Variants in ACTR3C observed in about 807,000 individuals in gnomAD.
The protein encoded by ACTR3C is actin related protein 3C, also known as actin-related protein 3C.
Under a neutral mutation model 26.3 loss-of-function variants are expected in ACTR3C, and 18 were observed. That is an observed-to-expected ratio of 0.68 (90% CI 0.47 to 1.01). The LOEUF (loss-of-function observed/expected upper bound fraction) is 1.01. Ranked by LOEUF, ACTR3C falls within the 50% of genes least tolerant of loss-of-function variation. The pLI is 0.00. For synonymous variants in ACTR3C, 55 were observed against 94.5 expected, an observed-to-expected ratio of 0.58 and a Z score of 2.42; for missense variants, 184 against 250.7, an observed-to-expected ratio of 0.73 and a Z score of 1.80.
rs192317026 is a variant in ACTR3C, at chr7:150,311,738, G to A, written c.-52+11731C>T. Among the ~76,000 whole-genome samples the A allele has an allele frequency of 2.6e-5, 4 of 152,234 alleles. No individual in the cohort carries two copies. The East Asian group carries it at 7.7e-4, about 29-fold the overall frequency. On this transcript the variant is annotated intron_variant, in intron 1 of 7. Coordinates refer to ENST00000683684, the MANE Select transcript of ACTR3C (RefSeq NM_001164458.2). ...GTTCCTCTAAACCCAGCCAAATCTCGCCAGCTAAAGCTGGTGATGCTGTTG... is the reference window on the plus strand; with the variant it reads ...GTTCCTCTAAACCCAGCCAAATCTCACCAGCTAAAGCTGGTGATGCTGTTG...
At chr7:150,060,073 G>A in the ACTR3C span, among the ~76,000 whole-genome samples, 16 of 152,330 alleles carry the variant, frequency 1.1e-4, no homozygotes, top group African/African-American at 3.8e-4. Context: ...GAGGCAACAT[G>A]ATTTGATGAG....
chr7:150,007,164 C>T, the ACTR3C span, among the ~76,000 whole-genome samples: 9 of 149,736 alleles, frequency 6.0e-5, no homozygotes, highest in South Asian at 2.2e-4. Context: ...CACGACCCAA[C>T]GAATGGCTCC....
chr7:150,302,774 C>A (rs1265848575), intron 1 of ACTR3C: 2 of 151,876 alleles, frequency 1.3e-5, no homozygotes, highest in East Asian at 1.9e-4. Context: ...GGCTGTGGGG[C>A]AAGATCACAC....
the ACTR3C span, among the ~76,000 whole-genome samples, chr7:150,012,044 G>T: frequency 1.3e-5 from 2 of 152,150 alleles, no homozygotes; most frequent in African/African-American, 4.8e-5. Flanking sequence ...CTTGAGAGCA[G>T]CGATGGGGTA....
intron 6 of ACTR3C, among the ~76,000 whole-genome samples, chr7:150,283,023 T>G (rs1308792171): frequency 2.1e-5 from 3 of 144,140 alleles, no homozygotes; most frequent in South Asian, 4.4e-4. Context: ...TTTCGCCACC[T>G]TTTCCCAACT....
chr7:149,968,946 G>A, the ACTR3C span, among the ~76,000 whole-genome samples: 2,098 of 151,758 alleles, frequency 0.014, 36 homozygotes, highest in African/African-American at 0.047. Flanking sequence ...TTCTTCCACC[G>A]TCATTGCTAC....
the ACTR3C span, among the ~76,000 whole-genome samples, chr7:150,127,108 TAAGAG>T: frequency 1.3e-5 from 2 of 148,926 alleles, no homozygotes; most frequent in African/African-American, 2.5e-5. Flanking sequence ...TCTGGAGCAA[TAAGAG>T]AAGAGACTGA....
At chr7:150,223,422 T>C in the ACTR3C span, among the ~76,000 whole-genome samples, 3 of 152,184 alleles carry the variant, frequency 2.0e-5, no homozygotes, top group Non-Finnish European at 2.9e-5. Context: ...CTTTCATTTA[T>C]CATGTATTGA....
chr7:150,147,647 C>T, the ACTR3C span, among the ~76,000 whole-genome samples: 4 of 152,110 alleles, frequency 2.6e-5, no homozygotes, highest in African/African-American at 9.7e-5. Context: ...ATTTTCCCCA[C>T]ATTTGGCATC....
chr7:150,131,675 G>T, the ACTR3C span, among the ~76,000 whole-genome samples: 14 of 152,066 alleles, frequency 9.2e-5, no homozygotes, highest in African/African-American at 3.1e-4. Flanking sequence ...GTTAAACATG[G>T]AGTTACCACA....
chr7:150,301,984 T>C lies in ACTR3C; in HGVS notation c.-51-6637A>G, dbSNP rs878936038. On this transcript the variant is annotated intron_variant, in intron 1 of 7. Coordinates refer to ENST00000683684, the MANE Select transcript of ACTR3C (RefSeq NM_001164458.2). ...GAATGTGCCTAATGCCACCAAGCTG[T>C]ACATTCAAAAATGGTTCAAATGATA... 1.5e-3 allele frequency among the ~76,000 whole-genome samples: 224 copies of C among 152,142 alleles called. 2 individuals are homozygous for C. Among genetic ancestry groups the C allele is most frequent in the African/African-American group, 4.8e-3 (200 of 41,398 alleles).
At chr7:150,234,561 C>T in the ACTR3C span, among the ~76,000 whole-genome samples, 1 of 152,182 alleles carries the variant, frequency 6.6e-6, no homozygotes, top group African/African-American at 2.4e-5. Flanking sequence ...TCTCACGCAA[C>T]TCCACACTAG....
the ACTR3C span, among the ~76,000 whole-genome samples, chr7:149,991,742 T>G: frequency 5.9e-5 from 9 of 152,224 alleles, no homozygotes; most frequent in African/African-American, 2.2e-4. Flanking sequence ...TTTTTGGTTT[T>G]GTTTTTTAGA....
intron 6 of ACTR3C, among the ~76,000 whole-genome samples, chr7:150,262,646 A>C (rs577232296): frequency 6.6e-6 from 1 of 152,398 alleles, no homozygotes; most frequent in Admixed American, 6.5e-5. Flanking sequence ...GTTAAAACAA[A>C]GAAAAAATAC....
the ACTR3C span, among the ~76,000 whole-genome samples, chr7:150,018,590 A>G: frequency 6.7e-6 from 1 of 149,874 alleles, no homozygotes; most frequent in Non-Finnish European, 1.5e-5. Context: ...TGCTATGGCA[A>G]CCACTCATTA....
chr7:150,278,255 C>G (rs1178129169), intron 6 of ACTR3C, among the ~76,000 whole-genome samples: 1 of 152,230 alleles, frequency 6.6e-6, no homozygotes, highest in Non-Finnish European at 1.5e-5. Context: ...TCACTCCGAC[C>G]TGAGTTGATC....
At chr7:150,311,598 A>C (rs1381057061) in intron 1 of ACTR3C, among the ~76,000 whole-genome samples, 1 of 152,188 alleles carries the variant, frequency 6.6e-6, no homozygotes, top group Non-Finnish European at 1.5e-5. Context: ...AGCACCCAGC[A>C]CAAGTCCTGA....
At chr7:149,922,269 G>A in the ACTR3C span, among the ~76,000 whole-genome samples, 115 of 138,032 alleles carry the variant, frequency 8.3e-4, 2 homozygotes, top group South Asian at 0.026. Flanking sequence ...GCGGGTTTAA[G>A]GGGAAATGCC....
At chr7:150,031,580 T>C in the ACTR3C span, among the ~76,000 whole-genome samples, 3 of 152,202 alleles carry the variant, frequency 2.0e-5, no homozygotes, top group African/African-American at 7.2e-5. Flanking sequence ...ATGCCACTGA[T>C]GTCGGTGGAA....
Sources: allele counts gnomAD v4.1 joint callset (sites outside exome capture counted in the v4.1 genomes callset), GRCh38; gene constraint gnomAD v4.1.1; transcripts MANE v1.5; gene names NCBI Gene and HGNC (gene_info 2026-07-23, HGNC 2026-07-21).